The following PECR variants were observed in gnomAD, a reference collection of about 807,000 sequenced individuals.
PECR encodes the protein 2,4-dienoyl-CoA reductase-related protein.
In PECR, 30 loss-of-function variants were observed where a neutral mutation model predicts 35.3. The observed-to-expected ratio is 0.85, with a 90% CI of 0.64 to 1.15. The LOEUF (loss-of-function observed/expected upper bound fraction) is 1.15, where lower values mean the gene tolerates loss of function less well. Among genes scored for constraint, PECR ranks in the 50% most tolerant of loss-of-function variants. The pLI, the probability that PECR is intolerant of heterozygous loss-of-function variation, is 0.00. For synonymous variants in PECR, 148 were observed against 138.9 expected, an observed-to-expected ratio of 1.07 and a Z score of -0.46; for missense variants, 392 against 370.8, an observed-to-expected ratio of 1.06 and a Z score of -0.47.
chr2:216,080,366 G>A (rs1035177488), intron 1 of PECR, among the ~76,000 whole-genome samples: 1 of 152,184 alleles, frequency 6.6e-6, no homozygotes, highest in Non-Finnish European at 1.5e-5. Context: ...GTGAGCCACT[G>A]CGCCAGGACC....
chr2:216,033,937 A>T (rs1451480655), downstream of PECR: 2 of 152,226 alleles, frequency 1.3e-5, no homozygotes, highest in African/African-American at 4.8e-5. Context: ...TGGGCTCAGT[A>T]ATCGCTAGTT....
intron 6 of PECR, among the ~76,000 whole-genome samples, chr2:216,047,011 T>C (rs1490440296): frequency 1.3e-5 from 2 of 152,244 alleles, no homozygotes; most frequent in African/African-American, 4.8e-5. Flanking sequence ...TTCACGCCTA[T>C]AATCCCAGCA....
At chr2:216,052,003 A>G (rs1332191315) in intron 4 of PECR, among the ~76,000 whole-genome samples, 2 of 152,212 alleles carry the variant, frequency 1.3e-5, no homozygotes, top group Non-Finnish European at 2.9e-5. Flanking sequence ...CCTGGCCAAC[A>G]TGGTGAAACC....
At chr2:216,037,329 G>A (rs761547363), downstream of PECR, among the ~76,000 whole-genome samples, 5 of 152,166 alleles carry the variant, frequency 3.3e-5, no homozygotes, top group Admixed American at 6.5e-5. Flanking sequence ...TGCTACATAG[G>A]CAGGTTCTGT....
At chr2:216,080,907 T>C (rs564787583) in intron 1 of PECR, among the ~76,000 whole-genome samples, 2 of 152,258 alleles carry the variant, frequency 1.3e-5, no homozygotes, top group African/African-American at 4.8e-5. Context: ...TCCCAAAACT[T>C]TAGGACTCAG....
At chr2:216,035,482 GCTC>G (rs1694778526), downstream of PECR, among the ~76,000 whole-genome samples, 1 of 145,964 alleles carries the variant, frequency 6.9e-6, no homozygotes, top group South Asian at 2.2e-4. Flanking sequence ...GCTATGGAGG[GCTC>G]TTCTTTTTTT....
rs1174967560 is a variant in PECR, at chr2:216,081,776, G to A, written c.-35C>T. 5 of 1,608,522 alleles carry A rather than the reference G, an allele frequency of 3.1e-6. No individual in the cohort carries two copies. The highest frequency in any genetic ancestry group is 3.4e-6 in the Non-Finnish European group (4 of 1,179,116). ...GGGGTGCCAGAGCAGCTGAGCGCAG[G>A]CCCTTCTGGGTCTCAGGGACATTCG... is the stretch of plus-strand genomic sequence containing the variant. On this transcript the variant is annotated 5_prime_UTR_variant, in exon 1 of 8. Transcript: ENST00000265322.
intron 5 of PECR, among the ~76,000 whole-genome samples, chr2:216,049,720 A>T (rs1695067285): frequency 6.6e-6 from 1 of 152,174 alleles, no homozygotes; most frequent in African/African-American, 2.4e-5. Context: ...TTTAGTTTCC[A>T]TTTGGCTTCT....
At chr2:216,040,805 A>T (rs1694873550) in intron 7 of PECR, among the ~76,000 whole-genome samples, 1 of 152,182 alleles carries the variant, frequency 6.6e-6, no homozygotes, top group Non-Finnish European at 1.5e-5. Flanking sequence ...TGGGAGGCAG[A>T]GATTGCAGTG....
chr2:216,063,480 T>C (rs920813561), intron 3 of PECR, among the ~76,000 whole-genome samples: 14 of 151,858 alleles, frequency 9.2e-5, no homozygotes, highest in Admixed American at 6.6e-4. Flanking sequence ...TAGCCAGATG[T>C]GGTGGTGAAT....
chr2:216,072,907 C>T (rs545594752), intron 1 of PECR, among the ~76,000 whole-genome samples: 39 of 152,268 alleles, frequency 2.6e-4, no homozygotes, highest in African/African-American at 9.4e-4. Context: ...AATTGAATGG[C>T]AATTCTATTT....
At chr2:216,052,162 G>A (rs146489792) in intron 4 of PECR, among the ~76,000 whole-genome samples, 1 of 152,240 alleles carries the variant, frequency 6.6e-6, no homozygotes, top group African/African-American at 2.4e-5. Flanking sequence ...CTCCAGCCTG[G>A]GCAACAGAAT....
At chr2:216,070,714 CT>C (rs1361761988) in intron 1 of PECR, among the ~76,000 whole-genome samples, 35 of 152,302 alleles carry the variant, frequency 2.3e-4, no homozygotes, top group African/African-American at 7.7e-4. Context: ...CTCCTACGGC[CT>C]TTTGTATTTA....
intron 1 of PECR, among the ~76,000 whole-genome samples, chr2:216,068,763 G>A (rs1238374627): frequency 6.8e-6 from 1 of 148,042 alleles, no homozygotes; most frequent in Non-Finnish European, 1.5e-5. Flanking sequence ...CCAGCCTCCC[G>A]AGTAGCTGGG....
intron 6 of PECR, among the ~76,000 whole-genome samples, chr2:216,045,840 G>GTAGTCA (rs1327687772): frequency 1.3e-5 from 2 of 152,172 alleles, no homozygotes; most frequent in African/African-American, 4.8e-5. Flanking sequence ...TCCCACCCAA[G>GTAGTCA]TAGTCACAAC....
At chr2:216,075,396 A>G (rs768070653) in intron 1 of PECR, among the ~76,000 whole-genome samples, 13 of 152,244 alleles carry the variant, frequency 8.5e-5, no homozygotes, top group Non-Finnish European at 1.8e-4. Context: ...ATACATGTGC[A>G]CATTAAATTT....
At chr2:216,041,096 T>A (rs1694878804) in intron 7 of PECR, among the ~76,000 whole-genome samples, 1 of 152,142 alleles carries the variant, frequency 6.6e-6, no homozygotes, top group Non-Finnish European at 1.5e-5. Flanking sequence ...AAAGGCTGAA[T>A]AATCTCATTA....
downstream of PECR, among the ~76,000 whole-genome samples, chr2:216,038,215 C>T (rs183702418): frequency 6.6e-6 from 1 of 152,250 alleles, no homozygotes; most frequent in East Asian, 1.9e-4. Context: ...CTGCTAAAGG[C>T]ATTTCTTCAA....
Position 216,039,225 on chromosome 2 carries a change from C to A in PECR, c.*50G>T, listed in dbSNP as rs375065162. On this transcript the variant is annotated 3_prime_UTR_variant, in exon 8 of 8. Coordinates refer to ENST00000265322, the MANE Select transcript of PECR (RefSeq NM_018441.6). ...GCTTTTAAAAAGTACAGAAGCATAT[C>A]CTCAAGATGTGAAGGCACTGGGGGA... 3.2e-6 allele frequency: 3 copies of A among 948,420 alleles called. No homozygotes were observed. In the African/African-American group the frequency reaches 4.8e-5, roughly 15 times the overall value. 58.8% of individuals were successfully genotyped at this position (948,420 alleles called of 1,614,324 possible).
Sources: gnomAD v4.1 joint callset for allele counts (sites outside exome capture counted in the v4.1 genomes callset) on GRCh38, gnomAD v4.1.1 for gene constraint, MANE v1.5 for transcripts, NCBI Gene and HGNC (gene_info 2026-07-23, HGNC 2026-07-21) for gene names.